HSH2D: variants seen among roughly 807,000 people sequenced by gnomAD.
HSH2D encodes the protein hematopoietic SH2 domain containing.
A neutral mutation model predicts 21.5 loss-of-function variants in HSH2D; 16 were observed. The ratio of observed to expected loss-of-function variants is 0.74; its 90% confidence interval spans 0.50 to 1.13. HSH2D has a LOEUF of 1.13. Among genes scored for constraint, HSH2D ranks in the 50% most tolerant of loss-of-function variants. The pLI is 0.00. For synonymous variants in HSH2D, 172 were observed against 184.7 expected (o/e 0.93, Z 0.56); for missense variants, 418 against 441.4 (o/e 0.95, Z 0.47).
upstream of HSH2D, among the ~76,000 whole-genome samples, chr19:16,138,754 C>A (rs2090980554): frequency 6.6e-6 from 1 of 152,124 alleles, no homozygotes. Flanking sequence ...CCGCACCCAG[C>A]CTGCCCTTGC....
chr19:16,135,796 A>T (rs779737331), intron 1 of HSH2D, among the ~76,000 whole-genome samples: 12 of 152,144 alleles, frequency 7.9e-5, no homozygotes, highest in Non-Finnish European at 1.6e-4. Context: ...ATGAGAAGTT[A>T]CCTGTTTTCA....
intron 1 of HSH2D, among the ~76,000 whole-genome samples, chr19:16,136,468 A>G (rs2090964970): frequency 6.6e-6 from 1 of 152,190 alleles, no homozygotes; most frequent in East Asian, 1.9e-4. Flanking sequence ...GAAATTATTT[A>G]GGCAGATAGT....
rs1409266746 is a variant in HSH2D at position 16,153,167 on chromosome 19, A to G, written c.340A>G (p.Ile114Val). 7 of 1,571,634 alleles carry G rather than the reference A, an allele frequency of 4.5e-6. No individual in the cohort carries two copies. In the South Asian group the frequency reaches 5.8e-5, roughly 13 times the overall value. The change falls in exon 4 of 6, where the codon ATT becomes GTT. Residue 114 changes from isoleucine (I) to valine (V), a missense_variant. By Grantham distance (29) the Ile-to-Val change is conservative. Coordinates refer to ENST00000613986, the MANE Select transcript of HSH2D (RefSeq NM_001382417.1). ...GGTCACCTTCCACCAGCAGAAGCCA[A>G]TTGAGCCGCGCAGGGAGCTGCTGAC... The part of the protein sequence containing the change: ...ALVTFHQQKP[I>V]EPRRELLTQP...
Position 16,157,827 on chromosome 19 carries a change from G to A in HSH2D, c.*33G>A, listed in dbSNP as rs997043657. ...GTCCACCCTGGCTCTGGGACTCGCTGCCAGGGGCTGCCACACTCCTGAATG... is the reference window on the plus strand; with the variant it reads ...GTCCACCCTGGCTCTGGGACTCGCTACCAGGGGCTGCCACACTCCTGAATG... On this transcript the variant is annotated 3_prime_UTR_variant, in exon 6 of 6. Transcript: ENST00000613986. The surrounding 1 kb of genome is among the most constrained non-coding windows in gnomAD (Gnocchi z 4.4). 11 of 1,438,034 alleles carry A rather than the reference G, an allele frequency of 7.6e-6. No homozygotes were observed. The African/African-American group carries it at 8.5e-5, about 11-fold the overall frequency. 89.1% of individuals were successfully genotyped at this position (1,438,034 alleles called of 1,614,324 possible). A position where few individuals can be genotyped will look rare whatever the true frequency, so the allele number is the denominator to read the frequency against.
intron 1 of HSH2D, among the ~76,000 whole-genome samples, chr19:16,146,766 A>G (rs537404964): frequency 3.1e-4 from 47 of 150,876 alleles, no homozygotes; most frequent in African/African-American, 1.1e-3. Context: ...TTCACTTGCC[A>G]TTTTGTCATT....
upstream of HSH2D, among the ~76,000 whole-genome samples, chr19:16,143,091 T>C (rs971261430): frequency 6.0e-5 from 9 of 150,742 alleles, no homozygotes; most frequent in Non-Finnish European, 1.2e-4. Flanking sequence ...TTGTTGCTTT[T>C]GTTTTTGTTT....
upstream of HSH2D, among the ~76,000 whole-genome samples, chr19:16,140,570 A>G (rs1374677908): frequency 6.6e-6 from 1 of 151,980 alleles, no homozygotes; most frequent in African/African-American, 2.4e-5. Flanking sequence ...GCACCACTGT[A>G]CTCCAGCCGG....
chr19:16,135,396 T>G (rs1418487534), intron 1 of HSH2D, among the ~76,000 whole-genome samples: 1 of 151,732 alleles, frequency 6.6e-6, no homozygotes, highest in African/African-American at 2.4e-5. Flanking sequence ...ACCACTACAT[T>G]CCAGCCTGGG....
Position 16,157,257 on chromosome 19 carries a change from G to A in HSH2D, c.522G>A (p.Pro174=), listed in dbSNP as rs768124198. The change falls in exon 6 of 6, where the codon CCG becomes CCA. Residue 174 remains proline (P), a synonymous_variant. Coordinates refer to ENST00000613986, the MANE Select transcript of HSH2D (RefSeq NM_001382417.1). The surrounding 1 kb of genome is among the most constrained non-coding windows in gnomAD (Gnocchi z 4.4). ...GTCACCAATCAAAGGAAAGGAAGCC[G>A]TCAGCAGAGATGAACAGAATAACCA... ...VLCHQSKERK[P]SAEMNRITTK... The A allele has an allele frequency of 2.4e-5, 38 of 1,590,358 alleles. No homozygotes were observed. The highest frequency in any genetic ancestry group is 1.7e-4 in the Middle Eastern group (1 of 5,944).
intron 1 of HSH2D, among the ~76,000 whole-genome samples, chr19:16,136,416 C>T (rs2090964365): frequency 6.6e-6 from 1 of 152,114 alleles, no homozygotes; most frequent in African/African-American, 2.4e-5. Flanking sequence ...GGGCCCGAAT[C>T]CCAGCACCAC....
intron 1 of HSH2D, among the ~76,000 whole-genome samples, chr19:16,144,933 C>T (rs1260750983): frequency 4.6e-5 from 7 of 151,250 alleles, no homozygotes; most frequent in African/African-American, 1.7e-4. Flanking sequence ...ACCTCGTGAT[C>T]TGCCTGCCTC....
At chr19:16,144,110 G>A (rs1413714533) in intron 1 of HSH2D, among the ~76,000 whole-genome samples, 1 of 151,984 alleles carries the variant, frequency 6.6e-6, no homozygotes, top group Non-Finnish European at 1.5e-5. Flanking sequence ...TTGAGCATGC[G>A]GTCTTTCATC....
chr19:16,157,573 C>A lies in HSH2D; in HGVS notation c.838C>A (p.Pro280Thr). 1 of 1,613,942 alleles carries A rather than the reference C, an allele frequency of 6.2e-7. No individual in the cohort carries two copies. Among genetic ancestry groups the A allele is most frequent in the Non-Finnish European group, 8.5e-7 (1 of 1,179,868 alleles). The part of the protein sequence containing the change: ...VATSLKSPSQ[P>T]QAPKDRKVPT... The stretch of plus-strand genomic sequence containing the variant: ...CACATCTCTCAAAAGCCCCTCACAG[C>A]CCCAGGCACCAAAAGACAGAAAGGT... Residue 280 changes from proline (P) to threonine (T), a missense_variant, in exon 6 of 6, where the codon CCC becomes ACC. Physicochemically the swap from Pro to Thr is conservative, Grantham distance 38 (BLOSUM62 -1). Transcript: ENST00000613986. The surrounding 1 kb of genome is among the most constrained non-coding windows in gnomAD (Gnocchi z 4.4).
Position 16,154,441 on chromosome 19 carries a change from T to TC in HSH2D, c.426dup (p.Asn143GlnfsTer15). The TC allele has an allele frequency of 6.4e-7, 1 of 1,552,534 alleles. No individual in the cohort carries two copies. Among genetic ancestry groups the TC allele is most frequent in the Non-Finnish European group, 8.7e-7 (1 of 1,147,650 alleles). ...GGATTACGAGGATCTCTTCCTCTAC[T>TC]CCAACGCAGTGGCCGAGGAAGCTGC... On this transcript the variant is annotated frameshift_variant, in exon 5 of 6. Transcript: ENST00000613986. LOFTEE classifies it low-confidence loss of function (END_TRUNC).
intron 4 of HSH2D, among the ~76,000 whole-genome samples, chr19:16,154,092 C>A (rs1381930621): frequency 1.5e-5 from 2 of 136,230 alleles, no homozygotes; most frequent in Non-Finnish European, 3.2e-5. Flanking sequence ...ACTCAGTGGG[C>A]CTGACCTAGC....
intron 1 of HSH2D, among the ~76,000 whole-genome samples, chr19:16,135,125 A>C (rs2090953067): frequency 6.6e-6 from 1 of 151,914 alleles, no homozygotes; most frequent in African/African-American, 2.4e-5. Flanking sequence ...AAAATACAAA[A>C]ATTAGGCATG....
At chr19:16,154,908 T>G (rs1012792329) in intron 5 of HSH2D, 2 of 165,490 alleles carry the variant, frequency 1.2e-5, no homozygotes, top group African/African-American at 4.8e-5. Flanking sequence ...CACATTACCC[T>G]GTTTATTCAC....
In HSH2D at chr19:16,157,224, A is replaced by G. The variant is rs1035035784; in HGVS notation, c.489A>G (p.Pro163=). 2 of 1,542,510 alleles carry G rather than the reference A, an allele frequency of 1.3e-6. No individual in the cohort carries two copies. The highest frequency in any genetic ancestry group is 1.8e-4 in the Middle Eastern group (1 of 5,714). Residue 163 remains proline, a synonymous_variant, in exon 6 of 6, where the codon CCA becomes CCG. Coordinates refer to ENST00000613986, the MANE Select transcript of HSH2D (RefSeq NM_001382417.1). The surrounding 1 kb of genome is among the most constrained non-coding windows in gnomAD (Gnocchi z 4.4). ...CTCATTTTCAGGCCTCCCCAAAGCC[A>G]GTCCTGTGTCACCAATCAAAGGAAA... ...VSAPEEASPK[P]VLCHQSKERK...
chr19:16,157,572 G>C lies in HSH2D; in HGVS notation c.837G>C (p.Gln279His). Reference protein sequence around the residue: ...CVATSLKSPSQPQAPKDRKVP... With the variant: ...CVATSLKSPSHPQAPKDRKVP... ...CCACATCTCTCAAAAGCCCCTCACA[G>C]CCCCAGGCACCAAAAGACAGAAAGG... is the stretch of plus-strand genomic sequence containing the variant. Residue 279 changes from glutamine (Q) to histidine (H), a missense_variant, in exon 6 of 6, where the codon CAG (glutamine) becomes CAC (histidine). Coordinates refer to ENST00000613986, the MANE Select transcript of HSH2D (RefSeq NM_001382417.1). The surrounding 1 kb of genome is among the most constrained non-coding windows in gnomAD (Gnocchi z 4.4). 3 of 1,613,888 alleles carry C rather than the reference G, an allele frequency of 1.9e-6. No individual in the cohort carries two copies. The highest frequency in any genetic ancestry group is 2.5e-6 in the Non-Finnish European group (3 of 1,179,862).
Sources: allele counts gnomAD v4.1 joint callset (sites outside exome capture counted in the v4.1 genomes callset), GRCh38; gene constraint gnomAD v4.1.1; non-coding constraint Gnocchi (gnomAD v3.1); transcripts MANE v1.5; gene names NCBI Gene and HGNC (gene_info 2026-07-23, HGNC 2026-07-21).